Variants in ARID1B observed in about 807,000 individuals in gnomAD.
ARID1B encodes AT-rich interactive domain-containing protein 1B.
ARID1B carries 30 observed loss-of-function variants against 212.3 expected under a neutral mutation model. The ratio of observed to expected loss-of-function variants is 0.14; its 90% CI spans 0.11 to 0.19. The LOEUF (loss-of-function observed/expected upper bound fraction) is 0.19. ARID1B is among the 10% of genes least tolerant of loss of function. The pLI is 1.00. For missense variants in ARID1B, 2,891 were observed against 3,204.0 expected (o/e 0.90, Z 2.36); for synonymous variants, 1,402 against 1,301.7 (o/e 1.08, Z -1.66).
chr6:157,173,327 T>TG, intron 9 of ARID1B: 1 of 152,430 alleles, frequency 6.6e-6, no homozygotes, highest in South Asian at 2.1e-4. Context: ...GGAGCTGCTG[T>TG]GGGCCTCTGA....
At chr6:157,131,774 T>C (rs942504826) in intron 6 of ARID1B, among the ~76,000 whole-genome samples, 1 of 152,214 alleles carries the variant, frequency 6.6e-6, no homozygotes, top group South Asian at 2.1e-4. Flanking sequence ...CACTGCAACC[T>C]CTGCCTTCTG....
intron 4 of ARID1B, 35 bp downstream of exon 4, chr6:156,935,611 G>A (rs2128275507): frequency 1.3e-6 from 2 of 1,531,482 alleles, no homozygotes; most frequent in Non-Finnish European, 9.0e-7. Flanking sequence ...GAAATGTAAT[G>A]AGTTAAAGAC....
At chr6:156,934,524 T>C (rs2128270118) in intron 3 of ARID1B, among the ~76,000 whole-genome samples, 1 of 152,284 alleles carries the variant, frequency 6.6e-6, no homozygotes, top group Non-Finnish European at 1.5e-5. Context: ...TTTTATTCTT[T>C]ATGATGGTTC....
intron 4 of ARID1B, among the ~76,000 whole-genome samples, chr6:157,084,138 C>CG (rs1476555468): frequency 6.7e-6 from 1 of 149,046 alleles, no homozygotes; most frequent in Non-Finnish European, 1.5e-5. Flanking sequence ...TCATCACCTC[C>CG]CCCCCAAAAA....
chr6:157,092,632 T>C (rs1234215968), intron 5 of ARID1B, among the ~76,000 whole-genome samples: 3 of 152,216 alleles, frequency 2.0e-5, no homozygotes, highest in African/African-American at 7.2e-5. Context: ...CTCTTCTTTC[T>C]CCCACATTTA....
chr6:156,996,983 C>T (rs1308218472), intron 4 of ARID1B, among the ~76,000 whole-genome samples: 1 of 152,126 alleles, frequency 6.6e-6, no homozygotes, highest in African/African-American at 2.4e-5. Flanking sequence ...GTGTGTTATT[C>T]ATAGAGAGTA....
At chr6:156,893,046 T>TTTTCTTTTC (rs1491333553) in intron 2 of ARID1B, among the ~76,000 whole-genome samples, 1 of 59,524 alleles carries the variant, frequency 1.7e-5, no homozygotes, top group African/African-American at 6.9e-5. Context: ...TTTTTCTTCC[T>TTTTCTTTTC]TTTTTTTTTT....
intron 2 of ARID1B, among the ~76,000 whole-genome samples, chr6:156,853,003 C>T (rs1329151580): frequency 6.6e-6 from 1 of 152,198 alleles, no homozygotes; most frequent in East Asian, 1.9e-4. Flanking sequence ...TGGCTGGAAG[C>T]TTTGTGCTTC....
intron 4 of ARID1B, among the ~76,000 whole-genome samples, chr6:157,048,191 C>T (rs1782363661): frequency 6.6e-6 from 1 of 152,102 alleles, no homozygotes; most frequent in Non-Finnish European, 1.5e-5. Flanking sequence ...TTGAAAGAGC[C>T]AATATGTTGG....
chr6:156,916,668 A>ATGCAGGTC (rs543652439), intron 3 of ARID1B, among the ~76,000 whole-genome samples: 62 of 152,238 alleles, frequency 4.1e-4, no homozygotes, highest in Non-Finnish European at 8.2e-4. Flanking sequence ...GATGCATCAC[A>ATGCAGGTC]TGCAGGTCTG....
chr6:156,965,100 T>C (rs989392312), intron 4 of ARID1B, among the ~76,000 whole-genome samples: 1 of 152,258 alleles, frequency 6.6e-6, no homozygotes, highest in African/African-American at 2.4e-5. Context: ...GTATGTTGTT[T>C]ATCAGTAGTT....
At chr6:157,019,409 C>T (rs1780094059) in intron 4 of ARID1B, among the ~76,000 whole-genome samples, 1 of 152,188 alleles carries the variant, frequency 6.6e-6, no homozygotes, top group Non-Finnish European at 1.5e-5. Context: ...AGACTGTCGT[C>T]ATATACATGA....
chr6:156,897,205 TGCTGCTGCTGCTG>T (rs1788489399), intron 2 of ARID1B, among the ~76,000 whole-genome samples: 4 of 80,216 alleles, frequency 5.0e-5, no homozygotes, highest in African/African-American at 1.9e-4. Context: ...CTGCTGCTGC[TGCTGCTGCTGCTG>T]CTTCTTCTTC....
At chr6:156,925,383 C>T (rs975757947) in intron 3 of ARID1B, among the ~76,000 whole-genome samples, 1 of 152,130 alleles carries the variant, frequency 6.6e-6, no homozygotes, top group Admixed American at 6.6e-5. Flanking sequence ...GTGCCACACA[C>T]CTGTAGTCCC....
chr6:157,150,950 C>T (rs1264252334), intron 8 of ARID1B: 1 of 170,246 alleles, frequency 5.9e-6, no homozygotes, highest in Non-Finnish European at 1.3e-5. Context: ...AACACCCAAA[C>T]CAAGAAAGCG....
chr6:157,205,893 G>A lies in ARID1B; in HGVS notation c.5395-274G>A, dbSNP rs1376303055. The A allele has an allele frequency of 3.1e-5, 13 of 421,858 alleles. 1 individual carries two copies. The South Asian group carries it at 3.2e-4, about 11-fold the overall frequency. 26.1% of individuals were successfully genotyped at this position (421,858 alleles called of 1,614,324 possible). A position where few individuals can be genotyped will look rare whatever the true frequency, so the allele number is the denominator to read the frequency against. On this transcript the variant is annotated intron_variant, in intron 19 of 19. Transcript: ENST00000636930. ...CTCAGTGATAAGATTAGAGATATGA[G>A]AATAAAAAGTAAGTTTTCGTGTAGA... is the stretch of plus-strand genomic sequence containing the variant.
chr6:156,870,486 G>A (rs1405710302), intron 2 of ARID1B: 3 of 152,156 alleles, frequency 2.0e-5, no homozygotes, highest in Non-Finnish European at 4.4e-5. Context: ...AGGGTAACAT[G>A]GAATAAATAT....
intron 4 of ARID1B, among the ~76,000 whole-genome samples, chr6:157,055,920 TC>T (rs1457355308): frequency 6.6e-6 from 1 of 152,142 alleles, no homozygotes; most frequent in Non-Finnish European, 1.5e-5. Flanking sequence ...GACCTGCAGT[TC>T]CGTGCCTGTC....
chr6:156,834,478 CAG>C (rs1165538797), intron 2 of ARID1B, among the ~76,000 whole-genome samples: 4 of 152,158 alleles, frequency 2.6e-5, no homozygotes, highest in Admixed American at 6.5e-5. Flanking sequence ...GTGTAAAAAA[CAG>C]AACATTCATG....
Sources: gnomAD v4.1 joint callset for allele counts (sites outside exome capture counted in the v4.1 genomes callset) on GRCh38, gnomAD v4.1.1 for gene constraint, MANE v1.5 for transcripts, NCBI Gene and HGNC (gene_info 2026-07-23, HGNC 2026-07-21) for gene names.